TMEM178B: variants seen among roughly 807,000 people sequenced by gnomAD.
The protein encoded by TMEM178B is transmembrane protein 178B.
In TMEM178B, 5 loss-of-function variants were observed where a neutral mutation model predicts 31.0. That is an observed-to-expected ratio of 0.16 (90% CI 0.08 to 0.34). The LOEUF is 0.34. TMEM178B is among the 10% of genes least tolerant of loss of function. The probability of loss-of-function intolerance (pLI) is 1.00; values close to 1 mark genes in which losing one functional copy is unlikely to be tolerated. For synonymous variants in TMEM178B, 164 were observed against 164.0 expected (o/e 1.00, Z 0.00); for missense variants, 275 against 400.3 (o/e 0.69, Z 2.67).
the TMEM178B span, among the ~76,000 whole-genome samples, chr7:141,498,643 G>T: frequency 1.3e-5 from 2 of 152,210 alleles, no homozygotes; most frequent in African/African-American, 4.8e-5. Flanking sequence ...GATGTTTAAG[G>T]TGACAAAGTC....
chr7:141,238,162 G>A (rs114523279), intron 2 of TMEM178B, among the ~76,000 whole-genome samples: 1 of 152,122 alleles, frequency 6.6e-6, no homozygotes, highest in Admixed American at 6.5e-5. Flanking sequence ...GCTGCGTTAA[G>A]AAATCCTGTT....
At chr7:141,188,835 G>A (rs1319469729) in intron 1 of TMEM178B, among the ~76,000 whole-genome samples, 1 of 152,228 alleles carries the variant, frequency 6.6e-6, no homozygotes, top group East Asian at 1.9e-4. Context: ...TAAGCCTGGA[G>A]AGAATCAAGG....
intron 1 of TMEM178B, among the ~76,000 whole-genome samples, chr7:141,110,326 G>A (rs1223740637): frequency 6.6e-6 from 1 of 152,146 alleles, no homozygotes. Context: ...TAGTAAATAA[G>A]TAGCGGAAGT....
chr7:141,162,875 T>C (rs1480770613), intron 1 of TMEM178B, among the ~76,000 whole-genome samples: 1 of 152,228 alleles, frequency 6.6e-6, no homozygotes, highest in Non-Finnish European at 1.5e-5. Flanking sequence ...CAAGCGTGCA[T>C]GTGGATCCCT....
rs539870563 is a variant in TMEM178B, at chr7:141,477,471, C to T, written c.*6685C>T. Reference sequence around the variant, plus strand: ...CAGTCATCAGTGTCTGCTTAGAACTCTCTGTTCTAAAGGTTTTTCCCTGTA... The same window carrying T: ...CAGTCATCAGTGTCTGCTTAGAACTTTCTGTTCTAAAGGTTTTTCCCTGTA... On this transcript the variant is annotated 3_prime_UTR_variant, in exon 4 of 4. Coordinates refer to ENST00000565468, the MANE Select transcript of TMEM178B (RefSeq NM_001195278.2). 6.6e-6 allele frequency: 1 copy of T among 152,242 alleles called. No individual in the cohort carries two copies. Among genetic ancestry groups the T allele is most frequent in the South Asian group, 2.1e-4 (1 of 4,816 alleles). 9.4% of individuals were successfully genotyped at this position (152,242 alleles called of 1,614,324 possible). A position where few individuals can be genotyped will look rare whatever the true frequency, so the allele number is the denominator to read the frequency against.
rs1276379228 is a variant in TMEM178B, at chr7:141,315,458, T to G, written c.496+102754T>G. ...ACACCTATGCTTTTGCTAGTTTCCT[T>G]GTCTAGAATGCCCTCTCACTTTCCT... is the stretch of plus-strand genomic sequence containing the variant. On this transcript the variant is annotated intron_variant, in intron 2 of 3. Transcript: ENST00000565468. Among the ~76,000 whole-genome samples the G allele has an allele frequency of 2.0e-5, 3 of 152,156 alleles. No homozygotes were observed. In the East Asian group the frequency reaches 5.8e-4, roughly 29 times the overall value.
intron 2 of TMEM178B, among the ~76,000 whole-genome samples, chr7:141,274,006 C>T (rs1205532986): frequency 6.6e-6 from 1 of 152,248 alleles, no homozygotes; most frequent in Non-Finnish European, 1.5e-5. Flanking sequence ...GCCTCTGCCC[C>T]TCTACATTTG....
chr7:141,373,536 C>T lies in TMEM178B; in HGVS notation c.497-64072C>T, dbSNP rs867346403. ...TGCTCAGAGTGGGAGGGTGAACTAC[C>T]ATGCAGTTGCAGCCAAGGCCTTTGC... is the stretch of plus-strand genomic sequence containing the variant. On this transcript the variant is annotated intron_variant, in intron 2 of 3. Coordinates refer to ENST00000565468, the MANE Select transcript of TMEM178B (RefSeq NM_001195278.2). Among the ~76,000 whole-genome samples the T allele has an allele frequency of 5.9e-5, 9 of 152,324 alleles. 1 individual carries two copies. In the Middle Eastern group the frequency reaches 0.01, roughly 173 times the overall value.
At chr7:141,120,162 C>G (rs937451628) in intron 1 of TMEM178B, among the ~76,000 whole-genome samples, 1 of 152,188 alleles carries the variant, frequency 6.6e-6, no homozygotes, top group African/African-American at 2.4e-5. Context: ...AAGTCAGAAG[C>G]CCTGCATGGA....
intron 2 of TMEM178B, among the ~76,000 whole-genome samples, chr7:141,256,445 C>T (rs1163862561): frequency 6.6e-6 from 1 of 152,124 alleles, no homozygotes; most frequent in Non-Finnish European, 1.5e-5. Context: ...GCAGGAGGTA[C>T]TTGGAATGTA....
chr7:141,381,788 A>C (rs1276709141), intron 2 of TMEM178B, among the ~76,000 whole-genome samples: 1 of 151,986 alleles, frequency 6.6e-6, no homozygotes. Context: ...AGGATGGTAC[A>C]TTTTCTATTT....
intron 1 of TMEM178B, among the ~76,000 whole-genome samples, chr7:141,157,436 C>T (rs562598402): frequency 6.6e-6 from 1 of 151,974 alleles, no homozygotes; most frequent in South Asian, 2.1e-4. Flanking sequence ...TGCACACACA[C>T]ACACACGCAC....
intron 2 of TMEM178B, among the ~76,000 whole-genome samples, chr7:141,272,820 C>T (rs1798205861): frequency 6.6e-6 from 1 of 152,126 alleles, no homozygotes; most frequent in Non-Finnish European, 1.5e-5. Flanking sequence ...GAAGGTTCCT[C>T]AAAAAATTAA....
chr7:141,343,075 G>C lies in TMEM178B; in HGVS notation c.497-94533G>C, dbSNP rs376529012. On this transcript the variant is annotated intron_variant, in intron 2 of 3. Coordinates refer to ENST00000565468, the MANE Select transcript of TMEM178B (RefSeq NM_001195278.2). ...TTCTGATTCACTAGGCCCGGGCTGA[G>C]GCCTGAGAAGGTTCATCTCTAATGA... Among the ~76,000 whole-genome samples, 12 of 152,296 alleles carry C rather than the reference G, an allele frequency of 7.9e-5. No individual in the cohort carries two copies. The East Asian group carries it at 2.1e-3, about 27-fold the overall frequency.
chr7:141,236,522 T>G (rs1797529961), intron 2 of TMEM178B, among the ~76,000 whole-genome samples: 1 of 152,212 alleles, frequency 6.6e-6, no homozygotes, highest in African/African-American at 2.4e-5. Context: ...CCAAACCACC[T>G]GCCTGCAGCC....
intron 3 of TMEM178B, among the ~76,000 whole-genome samples, chr7:141,468,552 C>T (rs950726459): frequency 7.2e-5 from 11 of 152,114 alleles, no homozygotes; most frequent in East Asian, 3.9e-4. Context: ...GCTCTCTGGG[C>T]GTCAATGTCC....
chr7:141,143,364 C>T (rs1586793154), intron 1 of TMEM178B, among the ~76,000 whole-genome samples: 1 of 152,276 alleles, frequency 6.6e-6, no homozygotes, highest in South Asian at 2.1e-4. Flanking sequence ...ACATTTAAAT[C>T]TTTCATCTAT....
At chr7:141,398,270 C>G (rs1002933723) in intron 2 of TMEM178B, among the ~76,000 whole-genome samples, 2 of 152,228 alleles carry the variant, frequency 1.3e-5, no homozygotes, top group African/African-American at 4.8e-5. Context: ...TTCTATATCT[C>G]CATTTTGAAA....
chr7:141,417,249 G>A (rs1207504307), intron 2 of TMEM178B, among the ~76,000 whole-genome samples: 2 of 152,174 alleles, frequency 1.3e-5, no homozygotes, highest in Non-Finnish European at 2.9e-5. Flanking sequence ...CTTCTGCTAT[G>A]TCTTAGATGC....
Sources: gnomAD v4.1 joint callset for allele counts (sites outside exome capture counted in the v4.1 genomes callset) on GRCh38, gnomAD v4.1.1 for gene constraint, MANE v1.5 for transcripts, NCBI Gene and HGNC (gene_info 2026-07-23, HGNC 2026-07-21) for gene names.